LAYN: variants seen among roughly 807,000 people sequenced by gnomAD.
LAYN encodes the protein layilin.
LAYN carries 38 observed loss-of-function variants against 43.6 expected under a neutral mutation model. That is an observed-to-expected ratio of 0.87 (90% CI 0.67 to 1.14). The LOEUF is 1.14. Among genes scored for constraint, LAYN ranks in the 50% most tolerant of loss-of-function variants. LAYN has a pLI of 0.00. For synonymous variants in LAYN, 168 were observed against 172.9 expected (o/e 0.97, Z 0.22); for missense variants, 479 against 463.8 (o/e 1.03, Z -0.30).
intron 6 of LAYN, among the ~76,000 whole-genome samples, chr11:111,558,170 TTC>T (rs1163815170): frequency 6.6e-6 from 1 of 152,236 alleles, no homozygotes; most frequent in African/African-American, 2.4e-5. Flanking sequence ...CATCAACAAT[TTC>T]TGTATATGGT....
At chr11:111,545,072 A>ATT (rs1867626170) in intron 2 of LAYN, among the ~76,000 whole-genome samples, 1 of 149,708 alleles carries the variant, frequency 6.7e-6, no homozygotes, top group African/African-American at 2.5e-5. Flanking sequence ...ATATATATAT[A>ATT]TATTTTTTAC....
intron 3 of LAYN, among the ~76,000 whole-genome samples, chr11:111,550,059 A>G (rs1867716746): frequency 1.3e-5 from 2 of 152,244 alleles, no homozygotes; most frequent in Non-Finnish European, 2.9e-5. Flanking sequence ...ACGTCAGGAA[A>G]TAAGCCCTTT....
At position 111,541,518 on chromosome 11, in the gene LAYN, G is replaced by A. The variant is rs745326094; in HGVS notation, c.85+590G>A. On this transcript the variant is annotated intron_variant, in intron 1 of 6. Coordinates refer to ENST00000375614, the MANE Select transcript of LAYN (RefSeq NM_178834.5). The stretch of plus-strand genomic sequence containing the variant: ...TGTGGGACGAGCCCCACCTGACTCC[G>A]GGGAATGACTCTCTGCTTCCTTCCT... 5 of 1,532,820 alleles carry A rather than the reference G, an allele frequency of 3.3e-6. No individual in the cohort carries two copies. In the African/African-American group the frequency reaches 5.5e-5, roughly 17 times the overall value. The allele number at this position is 1,532,820 out of a possible 1,614,324, so 95.0% of individuals were successfully genotyped here. A position where few individuals can be genotyped will look rare whatever the true frequency, so the allele number is the denominator to read the frequency against.
At chr11:111,553,750 A>ACT (rs1283623066) in intron 3 of LAYN, among the ~76,000 whole-genome samples, 1 of 150,980 alleles carries the variant, frequency 6.6e-6, no homozygotes, top group Non-Finnish European at 1.5e-5. Context: ...ACACACACAC[A>ACT]CACTTATGGG....
Position 111,561,274 on chromosome 11 carries a change from TG to T in LAYN, c.*817del, listed in dbSNP as rs1867952863. 1 of 152,210 alleles carries T rather than the reference TG, an allele frequency of 6.6e-6. No homozygotes were observed. Among genetic ancestry groups the T allele is most frequent in the South Asian group, 2.1e-4 (1 of 4,824 alleles). The allele number at this position is 152,210 out of a possible 1,614,324, so 9.4% of individuals were successfully genotyped here. ...ACTCAGGAGGCCGAGGTGGGGGAAT[TG>T]CTTGAGCCCAGGAGGTTGAGGCTGC... On this transcript the variant is annotated 3_prime_UTR_variant, in exon 7 of 7. Coordinates refer to ENST00000375614, the MANE Select transcript of LAYN (RefSeq NM_178834.5).
intron 5 of LAYN, among the ~76,000 whole-genome samples, chr11:111,557,213 C>T (rs1394532386): frequency 6.6e-6 from 1 of 151,836 alleles, no homozygotes; most frequent in African/African-American, 2.4e-5. Context: ...AACAAAAGTG[C>T]CCTTCTGATA....
chr11:111,541,684 C>G (rs1867543067), intron 1 of LAYN: 1 of 1,054,850 alleles, frequency 9.5e-7, no homozygotes, highest in African/African-American at 1.6e-5. Context: ...GTGCCAACAG[C>G]TTGACCAAAC....
intron 3 of LAYN, chr11:111,551,344 A>T (rs888771530): frequency 2.4e-5 from 11 of 456,140 alleles, no homozygotes; most frequent in Non-Finnish European, 4.4e-5. Flanking sequence ...CCAATCAGAG[A>T]CCAAAGAACA....
Position 111,544,031 on chromosome 11 carries a change from G to A in LAYN, c.194G>A (p.Arg65Lys). ...NFEEAKEACR[R>K]DGGQLVSIES... is the part of the protein sequence containing the mutation. ...GAGGAAGCCAAAGAAGCCTGCAGGAGGGATGGAGGCCAGCTAGTCAGCATC... is the reference window on the plus strand; with the variant it reads ...GAGGAAGCCAAAGAAGCCTGCAGGAAGGATGGAGGCCAGCTAGTCAGCATC... Residue 65 changes from arginine to lysine, a missense_variant, in exon 2 of 7, where the codon AGG (arginine) becomes AAG (lysine). Physicochemically the swap from Arg to Lys is conservative, Grantham distance 26 (BLOSUM62 2). Coordinates refer to ENST00000375614, the MANE Select transcript of LAYN (RefSeq NM_178834.5). The A allele has an allele frequency of 6.2e-7, 1 of 1,614,200 alleles. No individual in the cohort carries two copies. The highest frequency in any genetic ancestry group is 8.5e-7 in the Non-Finnish European group (1 of 1,180,034).
intron 1 of LAYN, chr11:111,541,627 T>C: frequency 6.6e-7 from 1 of 1,520,706 alleles, no homozygotes; most frequent in African/African-American, 1.4e-5. Context: ...TTGTTCTGCA[T>C]GTCGGGGGGA....
intron 5 of LAYN, among the ~76,000 whole-genome samples, chr11:111,555,781 A>G (rs995752604): frequency 2.0e-5 from 3 of 152,256 alleles, no homozygotes; most frequent in Non-Finnish European, 4.4e-5. Flanking sequence ...CTGAAGTTCA[A>G]TAAGGACATC....
In LAYN at chr11:111,561,457, T is replaced by C. The variant is rs1277823398; in HGVS notation, c.*999T>C. On this transcript the variant is annotated 3_prime_UTR_variant, in exon 7 of 7. Transcript: ENST00000375614. ...CCCTGATACTACACGTTGTTCTGTT[T>C]GCATGTTTGTTACTGCAGCATCAAC... 1.3e-5 allele frequency: 2 copies of C among 152,248 alleles called. No individual in the cohort carries two copies. The highest frequency in any genetic ancestry group is 4.8e-5 in the African/African-American group (2 of 41,474). 9.4% of individuals were successfully genotyped at this position (152,248 alleles called of 1,614,324 possible).
chr11:111,555,351 C>T, intron 5 of LAYN, 61 bp downstream of exon 5: 1 of 1,228,486 alleles, frequency 8.1e-7, no homozygotes. Context: ...ACAAATTACC[C>T]ATGGTTGAAT....
intron 1 of LAYN, among the ~76,000 whole-genome samples, chr11:111,542,989 A>G (rs1050628814): frequency 6.6e-6 from 1 of 152,220 alleles, no homozygotes; most frequent in African/African-American, 2.4e-5. Flanking sequence ...TCCTCAGTAA[A>G]ATCCCATCTG....
At chr11:111,553,032 A>G (rs1867769497) in intron 3 of LAYN, among the ~76,000 whole-genome samples, 1 of 152,036 alleles carries the variant, frequency 6.6e-6, no homozygotes, top group Non-Finnish European at 1.5e-5. Context: ...GAATAATAAT[A>G]AGGCCACCTC....
upstream of LAYN, chr11:111,540,664 C>T (rs1867511752): frequency 1.2e-5 from 7 of 562,576 alleles, no homozygotes; most frequent in Non-Finnish European, 2.1e-5. Flanking sequence ...CTCGCAGTGA[C>T]GTCCCAGGGG....
rs147344957 is a variant in LAYN at position 111,560,996 on chromosome 11, C to T, written c.*538C>T. ...GTCTGTGTCTACAGCCCTTCCTCTG[C>T]ATGTGGCCACAGGGGACCTTTTTTT... On this transcript the variant is annotated 3_prime_UTR_variant, in exon 7 of 7. Coordinates refer to ENST00000375614, the MANE Select transcript of LAYN (RefSeq NM_178834.5). 6.5e-6 allele frequency: 1 copy of T among 152,846 alleles called. No homozygotes were observed. Among genetic ancestry groups the T allele is most frequent in the East Asian group, 1.9e-4 (1 of 5,186 alleles). 9.5% of individuals were successfully genotyped at this position (152,846 alleles called of 1,614,324 possible). A position where few individuals can be genotyped will look rare whatever the true frequency, so the allele number is the denominator to read the frequency against.
chr11:111,551,797 G>A (rs887941590), intron 3 of LAYN, among the ~76,000 whole-genome samples: 14 of 152,120 alleles, frequency 9.2e-5, no homozygotes, highest in African/African-American at 3.1e-4. Context: ...CCTATAAATG[G>A]CATTATTAGG....
chr11:111,546,959 A>G (rs79208011), intron 2 of LAYN, among the ~76,000 whole-genome samples: 2,558 of 152,314 alleles, frequency 0.017, 48 homozygotes, highest in Non-Finnish European at 0.024. Context: ...ATCTCTAATA[A>G]TAGGAGCTGC....
Sources: gnomAD v4.1 joint callset for allele counts (sites outside exome capture counted in the v4.1 genomes callset) on GRCh38, gnomAD v4.1.1 for gene constraint, MANE v1.5 for transcripts, NCBI Gene and HGNC (gene_info 2026-07-23, HGNC 2026-07-21) for gene names.